Variants in GRIA4 observed in about 807,000 individuals in gnomAD.
The protein encoded by GRIA4 is glutamate ionotropic receptor AMPA type subunit 4, also known as glutamate receptor 4.
GRIA4 carries 34 observed loss-of-function variants against 104.0 expected under a neutral mutation model. The ratio of observed to expected loss-of-function variants is 0.33; its 90% CI spans 0.25 to 0.44. The LOEUF is 0.44. GRIA4 is among the 20% of genes least tolerant of loss of function. GRIA4 has a pLI of 1.00. For missense variants in GRIA4, 750 were observed against 1,096.5 expected (o/e 0.68, Z 4.46); for synonymous variants, 386 against 381.9 (o/e 1.01, Z -0.13).
At chr11:105,803,844 CA>C (rs537440632) in intron 4 of GRIA4, among the ~76,000 whole-genome samples, 15,814 of 80,386 alleles carry the variant, frequency 0.2, 831 homozygotes, top group Admixed American at 0.31. Context: ...GGTGCTATAC[CA>C]AAAAAAAAAA....
intron 4 of GRIA4, among the ~76,000 whole-genome samples, chr11:105,765,278 A>G (rs139647205): frequency 1.5e-4 from 23 of 152,268 alleles, no homozygotes; most frequent in African/African-American, 5.1e-4. Flanking sequence ...ATAGAGAAAT[A>G]CTCCTATTCC....
chr11:105,924,405 G>A lies in GRIA4; in HGVS notation c.1483G>A (p.Glu495Lys). 1 of 1,588,770 alleles carries A rather than the reference G, an allele frequency of 6.3e-7. No homozygotes were observed. Among genetic ancestry groups the A allele is most frequent in the Non-Finnish European group, 8.6e-7 (1 of 1,164,564 alleles). Residue 495 changes from glutamate (E) to lysine (K), a missense_variant, in exon 12 of 17, where the codon GAG (glutamate) becomes AAG (lysine). Around this residue, in one of 3 missense-constraint regions of GRIA4, gnomAD observed 272 missense variants for 524.5 expected, o/e 0.52. Transcript: ENST00000282499. ...TGTGTTTTTTCTCTTATAGAAAGCA[G>A]AGATTGCTATTGCCCCTCTGACAAT... ...MVGELVYGKA[E>K]IAIAPLTITL...
intron 11 of GRIA4, among the ~76,000 whole-genome samples, chr11:105,922,599 T>C (rs1397003844): frequency 6.6e-6 from 1 of 152,146 alleles, no homozygotes; most frequent in Non-Finnish European, 1.5e-5. Flanking sequence ...AATAAAGCAT[T>C]TGCAATCATT....
intron 4 of GRIA4, among the ~76,000 whole-genome samples, chr11:105,805,207 G>A (rs1171285164): frequency 6.6e-6 from 1 of 151,756 alleles, no homozygotes; most frequent in Non-Finnish European, 1.5e-5. Flanking sequence ...TTGGGAATGA[G>A]TAGGCTAAAA....
In GRIA4 at chr11:105,950,373, G is replaced by C. The variant is rs538814134; in HGVS notation, c.2294+16404G>C. Among the ~76,000 whole-genome samples, 172 of 152,244 alleles carry C rather than the reference G, an allele frequency of 1.1e-3. 1 individual carries two copies. The highest frequency in any genetic ancestry group is 3.9e-3 in the African/African-American group (163 of 41,558). On this transcript the variant is annotated intron_variant, in intron 14 of 16. Transcript: ENST00000282499. ...AAGGGAAATGAAAATTCAAAGATGA[G>C]ACTGAGTTTTTGTGGTTGGGCCTTG...
chr11:105,861,407 G>A (rs1347499682), intron 4 of GRIA4, among the ~76,000 whole-genome samples: 1 of 152,072 alleles, frequency 6.6e-6, no homozygotes, highest in Non-Finnish European at 1.5e-5. Flanking sequence ...CTGATTAGGA[G>A]TACCAGTGCC....
chr11:105,769,625 C>A (rs540115778), intron 4 of GRIA4, among the ~76,000 whole-genome samples: 17 of 151,980 alleles, frequency 1.1e-4, no homozygotes, highest in Admixed American at 7.9e-4. Flanking sequence ...CAGGGGGTAC[C>A]AAGAGTTATT....
At chr11:105,716,171 A>G (rs1204602511) in intron 3 of GRIA4, among the ~76,000 whole-genome samples, 3 of 152,198 alleles carry the variant, frequency 2.0e-5, no homozygotes, top group Admixed American at 2.0e-4. Flanking sequence ...GAACTTATCT[A>G]TAAACACATA....
At chr11:105,714,510 T>C (rs1471333688) in intron 3 of GRIA4, among the ~76,000 whole-genome samples, 2 of 152,166 alleles carry the variant, frequency 1.3e-5, no homozygotes, top group Non-Finnish European at 2.9e-5. Context: ...GTTGATTTTG[T>C]TGCCTAAATA....
chr11:105,681,490 C>T (rs138376202), intron 3 of GRIA4, among the ~76,000 whole-genome samples: 1,972 of 152,190 alleles, frequency 0.013, 44 homozygotes, highest in African/African-American at 0.044. Context: ...ATTTCTAAAA[C>T]GTAAGCTCCA....
chr11:105,956,294 T>C (rs1006333407), intron 14 of GRIA4, among the ~76,000 whole-genome samples: 13 of 152,070 alleles, frequency 8.5e-5, no homozygotes, highest in Non-Finnish European at 1.6e-4. Flanking sequence ...GTTTGTGATG[T>C]TCCCTACACT....
chr11:105,787,696 G>T (rs1386750773), intron 4 of GRIA4, among the ~76,000 whole-genome samples: 1 of 151,716 alleles, frequency 6.6e-6, no homozygotes, highest in Non-Finnish European at 1.5e-5. Flanking sequence ...GGCTGGTACA[G>T]AATTCTTGTA....
At chr11:105,845,775 T>C (rs1371128883) in intron 4 of GRIA4, among the ~76,000 whole-genome samples, 1 of 151,712 alleles carries the variant, frequency 6.6e-6, no homozygotes, top group Non-Finnish European at 1.5e-5. Context: ...TCCCAGCTAG[T>C]TGGGAGGCTG....
At chr11:105,794,672 G>C (rs1942407763) in intron 4 of GRIA4, among the ~76,000 whole-genome samples, 1 of 148,922 alleles carries the variant, frequency 6.7e-6, no homozygotes, top group Non-Finnish European at 1.5e-5. Flanking sequence ...TAATAAATAG[G>C]GATTCAATGA....
chr11:105,931,309 TTCATA>T (rs1272363007), intron 13 of GRIA4, among the ~76,000 whole-genome samples: 2 of 149,284 alleles, frequency 1.3e-5, no homozygotes, highest in African/African-American at 5.0e-5. Flanking sequence ...CACACCAATC[TTCATA>T]TCATGAGATA....
chr11:105,812,606 C>T (rs1943219659), intron 4 of GRIA4, among the ~76,000 whole-genome samples: 1 of 152,012 alleles, frequency 6.6e-6, no homozygotes, highest in African/African-American at 2.4e-5. Flanking sequence ...AAGTGACAAG[C>T]AGGATGGGAA....
chr11:105,661,323 T>A (rs989718249), intron 3 of GRIA4, among the ~76,000 whole-genome samples: 1 of 151,622 alleles, frequency 6.6e-6, no homozygotes, highest in African/African-American at 2.4e-5. Context: ...TATAATAACA[T>A]AAAATGAGTA....
At chr11:105,948,599 T>G (rs1431850026) in intron 14 of GRIA4, among the ~76,000 whole-genome samples, 3 of 138,288 alleles carry the variant, frequency 2.2e-5, no homozygotes, top group Admixed American at 7.3e-5. Context: ...CTTTTTGTTT[T>G]TTTTTTTTTT....
chr11:105,924,119 T>C (rs1435723249), intron 11 of GRIA4, among the ~76,000 whole-genome samples: 1 of 152,158 alleles, frequency 6.6e-6, no homozygotes, highest in South Asian at 2.1e-4. Flanking sequence ...ATACAGTAAT[T>C]TGAGTTCAAG....
Sources: allele counts gnomAD v4.1 joint callset (sites outside exome capture counted in the v4.1 genomes callset), GRCh38; gene constraint gnomAD v4.1.1; regional missense constraint gnomAD v4.1.1; transcripts MANE v1.5; gene names NCBI Gene and HGNC (gene_info 2026-07-23, HGNC 2026-07-21).